The following MYO10 variants were observed in gnomAD, a reference collection of about 807,000 sequenced individuals.
MYO10 encodes the protein unconventional myosin-X.
In MYO10, 133 loss-of-function variants were observed where a neutral mutation model predicts 257.3. That is an observed-to-expected ratio of 0.52 (90% confidence interval 0.45 to 0.60). MYO10 has a LOEUF of 0.60. Ranked by LOEUF, MYO10 falls within the 20% of genes least tolerant of loss-of-function variation. The pLI is 0.00. For missense variants in MYO10, 2,399 were observed against 2,635.7 expected, an observed-to-expected ratio of 0.91 and a Z score of 1.97; for synonymous variants, 1,104 against 1,028.6, an observed-to-expected ratio of 1.07 and a Z score of -1.40.
At chr5:16,812,649 T>C (rs1742475418) in intron 3 of MYO10, among the ~76,000 whole-genome samples, 1 of 152,164 alleles carries the variant, frequency 6.6e-6, no homozygotes, top group African/African-American at 2.4e-5. Flanking sequence ...CCCCTTAAAA[T>C]GGAGCCAAGT....
At chr5:16,803,737 T>C (rs2126690266) in intron 3 of MYO10, among the ~76,000 whole-genome samples, 1 of 152,346 alleles carries the variant, frequency 6.6e-6, no homozygotes, top group South Asian at 2.1e-4. Context: ...AATGTGTGTC[T>C]GGCTGGTACA....
chr5:16,882,456 A>G (rs962658175), intron 1 of MYO10, among the ~76,000 whole-genome samples: 1 of 149,060 alleles, frequency 6.7e-6, no homozygotes. Context: ...GTGTGCAAAT[A>G]TTCATAGCAG....
chr5:16,743,270 G>C (rs939245423), intron 19 of MYO10, among the ~76,000 whole-genome samples: 2 of 152,144 alleles, frequency 1.3e-5, no homozygotes, highest in Non-Finnish European at 2.9e-5. Flanking sequence ...GTCCTAACTC[G>C]CAAGTTGATG....
chr5:16,798,322 A>G (rs1441574299), intron 3 of MYO10, among the ~76,000 whole-genome samples: 1 of 150,506 alleles, frequency 6.6e-6, no homozygotes, highest in Admixed American at 6.7e-5. Flanking sequence ...CAAAATGGTT[A>G]ATTTTATGTT....
rs1736041274 is a variant in MYO10, at chr5:16,663,325, GTTGTTTTTTTTTT to G, written c.*3354_*3366del. On this transcript the variant is annotated 3_prime_UTR_variant, in exon 41 of 41. Transcript: ENST00000513610. Reference sequence around the variant, plus strand: ...GGAAAAAAGTAACATTTTACTTCTAGTTGTTTTTTTTTTTTTTTTTTTTTTTTTTTTTTTTTTT... The same window carrying G: ...GGAAAAAAGTAACATTTTACTTCTAGTTTTTTTTTTTTTTTTTTTTTTTTT... 1.7e-4 allele frequency: 7 copies of G among 41,322 alleles called. No individual in the cohort carries two copies. The highest frequency in any genetic ancestry group is 7.6e-4 in the South Asian group (1 of 1,308). 2.6% of individuals were successfully genotyped at this position (41,322 alleles called of 1,614,324 possible).
intron 19 of MYO10, among the ~76,000 whole-genome samples, chr5:16,747,140 C>A (rs1054409773): frequency 3.3e-5 from 5 of 152,026 alleles, no homozygotes; most frequent in African/African-American, 1.2e-4. Context: ...GGGCCCTGAA[C>A]CTGAGGTGGG....
At chr5:16,695,276 G>T (rs1391459651) in intron 26 of MYO10, among the ~76,000 whole-genome samples, 1 of 152,208 alleles carries the variant, frequency 6.6e-6, no homozygotes, top group Non-Finnish European at 1.5e-5. Flanking sequence ...GGAGGTTGCA[G>T]TGAGCAGAGA....
intron 2 of MYO10, among the ~76,000 whole-genome samples, chr5:16,869,191 A>ATTTTTTTTTTTTT (rs70943814): frequency 1.7e-5 from 2 of 115,882 alleles, no homozygotes; most frequent in African/African-American, 3.4e-5. Flanking sequence ...CACCCGGCTA[A>ATTTTTTTTTTTTT]TTTTTTTTTT....
In MYO10 at chr5:16,694,439, G is replaced by A. The variant is rs749673616; in HGVS notation, c.3732C>T (p.Ser1244=). The A allele has an allele frequency of 8.1e-6, 13 of 1,614,012 alleles. No individual in the cohort carries two copies. Among genetic ancestry groups the A allele is most frequent in the Non-Finnish European group, 1.1e-5 (13 of 1,179,898 alleles). Reference sequence around the variant, plus strand: ...TGTCGTTTTCAAAGTACATCAGCTTGGACTGGCGGAGGACAAACCAGCGCT... The same window carrying A: ...TGTCGTTTTCAAAGTACATCAGCTTAGACTGGCGGAGGACAAACCAGCGCT... ...WKKRWFVLRQ[S]KLMYFENDSE... Residue 1244 remains serine (S), a synonymous_variant, in exon 27 of 41, where the codon TCC becomes TCT. Coordinates refer to ENST00000513610, the MANE Select transcript of MYO10 (RefSeq NM_012334.3).
At chr5:16,884,028 A>G (rs1200107523) in intron 1 of MYO10, among the ~76,000 whole-genome samples, 3 of 152,216 alleles carry the variant, frequency 2.0e-5, no homozygotes, top group African/African-American at 7.2e-5. Flanking sequence ...ACCTCAGTTC[A>G]GGATTCTCTG....
At chr5:16,902,839 C>T (rs1745421963) in intron 1 of MYO10, among the ~76,000 whole-genome samples, 1 of 152,340 alleles carries the variant, frequency 6.6e-6, no homozygotes, top group South Asian at 2.1e-4. Context: ...TGGAGAACAA[C>T]CACCATCAAA....
rs1740752137 is a variant in MYO10 at position 16,762,614 on chromosome 5, G to T, written c.1518C>A (p.Ile506=). The part of the protein sequence containing the change: ...IEKKLGLLAL[I]NEESHFPQAT... ...CTTGAGGAAAATGGCTTTCTTCATTGATAAGGGCTAGGAGGCCAAGTTTCT... is the reference window on the plus strand; with the variant it reads ...CTTGAGGAAAATGGCTTTCTTCATTTATAAGGGCTAGGAGGCCAAGTTTCT... Residue 506 remains isoleucine (I), a synonymous_variant, in exon 15 of 41, where the codon ATC becomes ATA. Coordinates refer to ENST00000513610, the MANE Select transcript of MYO10 (RefSeq NM_012334.3). 2 of 1,606,592 alleles carry T rather than the reference G, an allele frequency of 1.2e-6. No individual in the cohort carries two copies. The highest frequency in any genetic ancestry group is 2.2e-5 in the South Asian group (2 of 89,086).
intron 1 of MYO10, among the ~76,000 whole-genome samples, chr5:16,892,964 G>A (rs1745104621): frequency 6.6e-6 from 1 of 152,012 alleles, no homozygotes; most frequent in African/African-American, 2.4e-5. Context: ...GGGAGGCCGA[G>A]GCGGGCAGAT....
intron 21 of MYO10, among the ~76,000 whole-genome samples, chr5:16,707,165 C>T (rs1360858714): frequency 6.6e-6 from 1 of 152,214 alleles, no homozygotes; most frequent in Non-Finnish European, 1.5e-5. Flanking sequence ...CCTTCATCTT[C>T]TGCCATGATC....
At chr5:16,716,895 G>A (rs976184421) in intron 19 of MYO10, among the ~76,000 whole-genome samples, 4 of 152,138 alleles carry the variant, frequency 2.6e-5, no homozygotes, top group Non-Finnish European at 5.9e-5. Context: ...GTGCAGTGGT[G>A]TGATCTTGGC....
At chr5:16,715,623 G>A (rs1354511481) in intron 19 of MYO10, among the ~76,000 whole-genome samples, 3 of 151,434 alleles carry the variant, frequency 2.0e-5, no homozygotes, top group Non-Finnish European at 2.9e-5. Flanking sequence ...TTGAGGTGAC[G>A]AAAATGTTCT....
chr5:16,882,190 T>C (rs1744771733), intron 1 of MYO10, among the ~76,000 whole-genome samples: 1 of 152,206 alleles, frequency 6.6e-6, no homozygotes, highest in African/African-American at 2.4e-5. Flanking sequence ...AGAGAGGCAA[T>C]ACCGTCCCTT....
chr5:16,718,679 G>A (rs62369280), intron 19 of MYO10, among the ~76,000 whole-genome samples: 13 of 144,286 alleles, frequency 9.0e-5, no homozygotes, highest in South Asian at 8.9e-4. Context: ...TGCACCAATC[G>A]ACACTCTGTA....
intron 9 of MYO10, 74 bp from the exon 10 acceptor site, chr5:16,769,277 T>C (rs890096566): frequency 7.0e-7 from 1 of 1,420,474 alleles, no homozygotes; most frequent in African/African-American, 1.5e-5. Flanking sequence ...TCCCTGATAA[T>C]ATAAAATTAC....
Sources: allele counts gnomAD v4.1 joint callset (sites outside exome capture counted in the v4.1 genomes callset), GRCh38; gene constraint gnomAD v4.1.1; transcripts MANE v1.5; gene names NCBI Gene and HGNC (gene_info 2026-07-23, HGNC 2026-07-21).